Variants in PIH1D1 observed in about 807,000 individuals in gnomAD.
PIH1D1 encodes PIH1 domain-containing protein 1.
PIH1D1 carries 28 observed loss-of-function variants against 38.5 expected under a neutral mutation model. The observed-to-expected ratio is 0.73, with a 90% confidence interval of 0.54 to 1.00. The LOEUF (loss-of-function observed/expected upper bound fraction) is 1.00. Ranked by LOEUF, PIH1D1 falls within the 50% of genes least tolerant of loss-of-function variation. PIH1D1 has a pLI of 0.00. For synonymous variants in PIH1D1, 155 were observed against 153.5 expected, an observed-to-expected ratio of 1.01 and a Z score of -0.07; for missense variants, 343 against 369.9, an observed-to-expected ratio of 0.93 and a Z score of 0.60.
At chr19:49,450,677 A>AGCCCCCC in intron 2 of PIH1D1, 105 bp downstream of exon 2, 3 of 353,418 alleles carry the variant, frequency 8.5e-6, no homozygotes, top group East Asian at 1.3e-4. Flanking sequence ...GTGTCTGCTC[A>AGCCCCCC]CCCCACCCCC....
At chr19:49,449,083 T>C (rs1435653685) in intron 3 of PIH1D1, 2 of 352,844 alleles carry the variant, frequency 5.7e-6, no homozygotes, top group Non-Finnish European at 1.1e-5. Context: ...TCCCAGCTGC[T>C]TGGGAGCCTG....
chr19:49,446,757 T>G (rs763400894), intron 7 of PIH1D1, 63 bp from the exon 8 acceptor site: 1 of 1,484,392 alleles, frequency 6.7e-7, no homozygotes, highest in Non-Finnish European at 9.1e-7. Context: ...GGACCAGGCA[T>G]GGTAGCCTCA....
chr19:49,450,992 A>T, intron 1 of PIH1D1, 144 bp from the exon 2 acceptor site: 1 of 1,490,810 alleles, frequency 6.7e-7, no homozygotes, highest in Non-Finnish European at 9.0e-7. Context: ...TCCTTTGAGA[A>T]CTAGAAGAAC....
chr19:49,450,688 A>G (rs879134495), intron 2 of PIH1D1, 94 bp downstream of exon 2: 5 of 177,096 alleles, frequency 2.8e-5, no homozygotes, highest in Non-Finnish European at 4.9e-5. Flanking sequence ...CCCCACCCCC[A>G]CCCTAGGCCT....
chr19:49,446,752 A>G (rs1568639630), intron 7 of PIH1D1, 58 bp from the exon 8 acceptor site: 10 of 1,497,486 alleles, frequency 6.7e-6, no homozygotes, highest in Non-Finnish European at 9.0e-6. Flanking sequence ...CACCTGGACC[A>G]GGCATGGTAG....
In PIH1D1 at chr19:49,446,420, A is replaced by C. The variant is rs749794157; in HGVS notation, c.835T>G (p.Leu279Val). ...KAAFHRKRKQ[L>V]MVAMPLLPVP... ...GGCAGAAGCGGCATGGCCACCATTA[A>C]TTGCTGAGGAGACAGAGCAAAGAGA... is the stretch of plus-strand genomic sequence containing the variant. Residue 279 changes from leucine (L) to valine (V), a missense_variant, in exon 9 of 9, where the codon TTA (leucine) becomes GTA (valine). By Grantham distance (32) the Leu-to-Val change is conservative. Coordinates refer to ENST00000262265, the MANE Select transcript of PIH1D1 (RefSeq NM_017916.3). 1.6e-5 allele frequency: 16 copies of C among 991,712 alleles called. No individual in the cohort carries two copies. The highest frequency in any genetic ancestry group is 2.6e-5 in the Non-Finnish European group (16 of 611,000). 61.4% of individuals were successfully genotyped at this position (991,712 alleles called of 1,614,324 possible). A position where few individuals can be genotyped will look rare whatever the true frequency, so the allele number is the denominator to read the frequency against.
At position 49,447,077 on chromosome 19, in the gene PIH1D1, G is replaced by A. The variant is rs774507963; in HGVS notation, c.634C>T (p.Leu212=). Residue 212 remains leucine (L), a synonymous_variant, in exon 7 of 9, where the codon CTG becomes TTG. Coordinates refer to ENST00000262265, the MANE Select transcript of PIH1D1 (RefSeq NM_017916.3). ...ESGPEKPHLN[L]WLEAPDLLLA... ...AGGAGGTCGGGGGCTTCCAGCCACA[G>A]GTTCAGGTGAGGCTTTTCAGGCCTG... 11 of 1,613,316 alleles carry A rather than the reference G, an allele frequency of 6.8e-6. No individual in the cohort carries two copies. The Admixed American group carries it at 1.8e-4, about 27-fold the overall frequency.
At chr19:49,446,997 T>G (rs768002136) in intron 7 of PIH1D1, 27 bp downstream of exon 7, 3 of 1,575,822 alleles carry the variant, frequency 1.9e-6, no homozygotes, top group Admixed American at 3.3e-5. Context: ...CTCATTCCCC[T>G]GCTCTGGTCC....
intron 7 of PIH1D1, 137 bp from the exon 8 acceptor site, chr19:49,446,831 A>T: frequency 8.7e-7 from 1 of 1,154,840 alleles, no homozygotes; most frequent in Non-Finnish European, 1.2e-6. Context: ...CAGCAATTAC[A>T]AGTCTCAACG....
Position 49,447,099 on chromosome 19 carries a change from C to G in PIH1D1, c.612G>C (p.Gly204=), listed in dbSNP as rs12443. ...YTPAPGRAES[G]PEKPHLNLWL... ...ACAGGTTCAGGTGAGGCTTTTCAGG[C>G]CTGAGGAGGAACAAGGTCCAGGGCT... The change falls in exon 7 of 9, where the codon GGG becomes GGC. Residue 204 remains glycine (G), a splice_region_variant and synonymous_variant. Coordinates refer to ENST00000262265, the MANE Select transcript of PIH1D1 (RefSeq NM_017916.3). 0.75 allele frequency: 1,204,431 copies of G among 1,609,834 alleles called. 457,209 individuals carry two copies. The highest frequency in any genetic ancestry group is 0.88 in the African/African-American group (65,467 of 74,760).
intron 3 of PIH1D1, 97 bp from the exon 4 acceptor site, chr19:49,448,159 G>C: frequency 8.2e-7 from 1 of 1,225,792 alleles, no homozygotes; most frequent in South Asian, 1.3e-5. Flanking sequence ...GACAGCGGCC[G>C]TAAGAAGCAG....
At chr19:49,446,925 GA>G in intron 7 of PIH1D1, 98 bp downstream of exon 7, 1 of 1,198,216 alleles carries the variant, frequency 8.3e-7, no homozygotes, top group Non-Finnish European at 1.2e-6. Context: ...GGACGCAACT[GA>G]CAAGTCCAGC....
Position 49,447,468 on chromosome 19 carries a change from C to A in PIH1D1, c.482-1G>T. 2 of 1,608,344 alleles carry A rather than the reference C, an allele frequency of 1.2e-6. No homozygotes were observed. Among genetic ancestry groups the A allele is most frequent in the Non-Finnish European group, 8.5e-7 (1 of 1,179,936 alleles). Reference sequence around the variant, plus strand: ...GGCCGGTTCTTCATCATGCGCCATTCTGAGGGTCAGGAGCGCCGTCAAACA... The same window carrying A: ...GGCCGGTTCTTCATCATGCGCCATTATGAGGGTCAGGAGCGCCGTCAAACA... On this transcript the variant is annotated splice_acceptor_variant, in intron 5 of 8. Coordinates refer to ENST00000262265, the MANE Select transcript of PIH1D1 (RefSeq NM_017916.3). LOFTEE classifies it high-confidence loss of function.
intron 2 of PIH1D1, 100 bp from the exon 3 acceptor site, chr19:49,449,754 C>T (rs1238346519): frequency 1.1e-5 from 11 of 1,021,984 alleles, no homozygotes; most frequent in Non-Finnish European, 1.4e-5. Flanking sequence ...GCCCTGTCCC[C>T]CTTTTTTGTT....
In PIH1D1 at chr19:49,447,350, C is replaced by G. The variant is rs762489742; in HGVS notation, c.599G>C (p.Arg200Thr). Residue 200 changes from arginine (R) to threonine (T), a missense_variant, in exon 6 of 9, where the codon AGA becomes ACA. Physicochemically the swap from Arg to Thr is moderately conservative, Grantham distance 71. Coordinates refer to ENST00000262265, the MANE Select transcript of PIH1D1 (RefSeq NM_017916.3). ...ACCGAAGGCCCACCCTGACTCAGCT[C>G]TCCCGGGGGCGGGCGTGTACAGGTC... ...LGDLYTPAPG[R>T]AESGPEKPHL... 6 of 1,613,924 alleles carry G rather than the reference C, an allele frequency of 3.7e-6. No homozygotes were observed. The highest frequency in any genetic ancestry group is 1.3e-5 in the African/African-American group (1 of 75,022).
rs1342505287 is a variant in PIH1D1 at position 49,447,102 on chromosome 19, G to A, written c.612-3C>T. ...GGTTCAGGTGAGGCTTTTCAGGCCT[G>A]AGGAGGAACAAGGTCCAGGGCTGAG... On this transcript the variant is annotated splice_region_variant and splice_polypyrimidine_tract_variant and intron_variant, in intron 6 of 8. Transcript: ENST00000262265. The A allele has an allele frequency of 6.2e-7, 1 of 1,609,496 alleles. No homozygotes were observed. The highest frequency in any genetic ancestry group is 1.1e-5 in the South Asian group (1 of 90,780).
At chr19:49,446,926 A>T in intron 7 of PIH1D1, 98 bp downstream of exon 7, 1 of 1,200,856 alleles carries the variant, frequency 8.3e-7, no homozygotes, top group Non-Finnish European at 1.2e-6. Flanking sequence ...GACGCAACTG[A>T]CAAGTCCAGC....
At chr19:49,450,671 C>T in intron 2 of PIH1D1, 111 bp downstream of exon 2, 1 of 765,294 alleles carries the variant, frequency 1.3e-6, no homozygotes, top group Non-Finnish European at 2.2e-6. Context: ...CTGTGGGTGT[C>T]TGCTCACCCC....
chr19:49,447,304 GA>G (rs773103578), intron 6 of PIH1D1, 33 bp downstream of exon 6: 1 of 1,612,298 alleles, frequency 6.2e-7, no homozygotes, highest in South Asian at 1.1e-5. Flanking sequence ...GAGCGTTGAG[GA>G]AACATCAGAC....
Sources: gnomAD v4.1 joint callset for allele counts on GRCh38, gnomAD v4.1.1 for gene constraint, MANE v1.5 for transcripts, NCBI Gene and HGNC (gene_info 2026-07-23, HGNC 2026-07-21) for gene names.